PTPRG: variants seen among roughly 807,000 people sequenced by gnomAD.
PTPRG encodes protein tyrosine phosphatase receptor type G.
Under a neutral mutation model 165.3 loss-of-function variants are expected in PTPRG, and 102 were observed. The ratio of observed to expected loss-of-function variants is 0.62; its 90% CI spans 0.53 to 0.73. The LOEUF is 0.73. Among genes scored for constraint, PTPRG ranks in the 30% least tolerant of loss-of-function variants. The probability of loss-of-function intolerance (pLI) is 0.00; values close to 1 mark genes in which losing one functional copy is unlikely to be tolerated. For synonymous variants in PTPRG, 675 were observed against 669.5 expected (o/e 1.01, Z -0.13); for missense variants, 1,866 against 1,861.4 (o/e 1.00, Z -0.05).
At chr3:61,708,441 A>ATT (rs2031373332) in intron 1 of PTPRG, among the ~76,000 whole-genome samples, 3 of 134,200 alleles carry the variant, frequency 2.2e-5, no homozygotes, top group Non-Finnish European at 3.2e-5. Flanking sequence ...CTCTCTGCAA[A>ATT]TCTTTTTTTT....
intron 4 of PTPRG, among the ~76,000 whole-genome samples, chr3:62,048,701 T>C (rs1205080321): frequency 6.6e-6 from 1 of 152,214 alleles, no homozygotes. Flanking sequence ...CAGACTATTG[T>C]CTTCAGAAAA....
chr3:61,774,010 G>C (rs2034294044), intron 2 of PTPRG, among the ~76,000 whole-genome samples: 1 of 151,976 alleles, frequency 6.6e-6, no homozygotes, highest in Non-Finnish European at 1.5e-5. Context: ...CCTGACCTTG[G>C]GTGATCCAAC....
At chr3:61,990,675 T>C (rs1263475959) in intron 3 of PTPRG, among the ~76,000 whole-genome samples, 1 of 152,222 alleles carries the variant, frequency 6.6e-6, no homozygotes, top group Non-Finnish European at 1.5e-5. Context: ...CCTAAAGATA[T>C]TTTTCACTCT....
intron 2 of PTPRG, among the ~76,000 whole-genome samples, chr3:61,791,027 C>T (rs1264547661): frequency 1.3e-5 from 2 of 152,056 alleles, no homozygotes; most frequent in Non-Finnish European, 1.5e-5. Flanking sequence ...GTAAAGATGT[C>T]GGTTAACAGT....
chr3:61,799,036 T>A (rs952302158), intron 2 of PTPRG, among the ~76,000 whole-genome samples: 2 of 152,134 alleles, frequency 1.3e-5, no homozygotes, highest in Non-Finnish European at 2.9e-5. Flanking sequence ...AATTTTTTTT[T>A]ATTTTAAAAT....
At chr3:61,759,266 G>A (rs1225616373) in intron 2 of PTPRG, among the ~76,000 whole-genome samples, 1 of 152,176 alleles carries the variant, frequency 6.6e-6, no homozygotes, top group Non-Finnish European at 1.5e-5. Flanking sequence ...AAACTTATCA[G>A]TGGTGTGTAT....
intron 2 of PTPRG, among the ~76,000 whole-genome samples, chr3:61,853,099 C>T (rs1370974806): frequency 6.6e-6 from 1 of 152,126 alleles, no homozygotes; most frequent in Admixed American, 6.6e-5. Context: ...CCTTGCGGAG[C>T]TTACGTTCTA....
chr3:61,637,971 C>T (rs193177466), intron 1 of PTPRG, among the ~76,000 whole-genome samples: 30 of 152,218 alleles, frequency 2.0e-4, no homozygotes, highest in Admixed American at 1.3e-3. Flanking sequence ...GCATGATAAT[C>T]GGATTCCACT....
Position 62,252,729 on chromosome 3 carries a change from G to A in PTPRG, c.2468-2395G>A, listed in dbSNP as rs1357162167. ...AGAATGATTAGAATAATTAGTCATA[G>A]CCTTATATTCATCTCAGTATAAAGA... On this transcript the variant is annotated intron_variant, in intron 15 of 29. Transcript: ENST00000474889. This position sits in a 1 kb window ranked among gnomAD's most constrained non-coding sequence, Gnocchi z 4.6. 6.6e-6 allele frequency among the ~76,000 whole-genome samples: 1 copy of A among 152,160 alleles called. No homozygotes were observed. The highest frequency in any genetic ancestry group is 1.5e-5 in the Non-Finnish European group (1 of 68,024).
intron 2 of PTPRG, among the ~76,000 whole-genome samples, chr3:61,941,825 T>TA (rs771149314): frequency 2.0e-4 from 30 of 152,188 alleles, no homozygotes; most frequent in Non-Finnish European, 3.4e-4. Context: ...TTTGATTTGC[T>TA]AACCAGCATG....
intron 2 of PTPRG, among the ~76,000 whole-genome samples, chr3:61,781,993 C>A (rs145080623): frequency 6.6e-6 from 1 of 151,662 alleles, no homozygotes; most frequent in Non-Finnish European, 1.5e-5. Flanking sequence ...AACCTCCCAC[C>A]GATCTTTTGT....
chr3:61,565,340 A>G (rs1052990457), intron 1 of PTPRG, among the ~76,000 whole-genome samples: 1 of 152,236 alleles, frequency 6.6e-6, no homozygotes, highest in Non-Finnish European at 1.5e-5. Context: ...TTACATTGCT[A>G]TATACATCTT....
chr3:61,587,674 T>A (rs79822659), intron 1 of PTPRG, among the ~76,000 whole-genome samples: 1 of 152,190 alleles, frequency 6.6e-6, no homozygotes, highest in Non-Finnish European at 1.5e-5. Flanking sequence ...TTATTTTTTT[T>A]AAGACAGGGT....
intron 2 of PTPRG, among the ~76,000 whole-genome samples, chr3:61,795,304 G>C (rs2035010300): frequency 6.6e-6 from 1 of 152,132 alleles, no homozygotes. Flanking sequence ...TGAAGGTCAA[G>C]AAGTAGTAAC....
intron 2 of PTPRG, among the ~76,000 whole-genome samples, chr3:61,785,920 C>G (rs1185171167): frequency 6.6e-6 from 1 of 152,158 alleles, no homozygotes; most frequent in Non-Finnish European, 1.5e-5. Context: ...CCTGTTTGTT[C>G]TTTTCCTTGG....
chr3:62,157,511 A>C (rs948008381), intron 7 of PTPRG, among the ~76,000 whole-genome samples: 2 of 152,242 alleles, frequency 1.3e-5, no homozygotes, highest in South Asian at 2.1e-4. Flanking sequence ...GCTATCCTCA[A>C]TGATGATGAC....
At chr3:61,867,208 C>T (rs1364676929) in intron 2 of PTPRG, among the ~76,000 whole-genome samples, 1 of 152,148 alleles carries the variant, frequency 6.6e-6, no homozygotes, top group Non-Finnish European at 1.5e-5. Context: ...GCATCATACC[C>T]CCTGCCTCCC....
At chr3:61,953,511 CG>C (rs1559710502) in intron 2 of PTPRG, among the ~76,000 whole-genome samples, 2 of 152,154 alleles carry the variant, frequency 1.3e-5, no homozygotes, top group East Asian at 3.8e-4. Flanking sequence ...AGGTTACCTA[CG>C]GGCTCCCTAG....
chr3:62,008,060 T>C (rs2041337328), intron 4 of PTPRG, among the ~76,000 whole-genome samples: 1 of 152,246 alleles, frequency 6.6e-6, no homozygotes, highest in Non-Finnish European at 1.5e-5. Context: ...CTTTCTGTTG[T>C]CTGTCCAGCC....
Sources: allele counts gnomAD v4.1 joint callset (sites outside exome capture counted in the v4.1 genomes callset), GRCh38; gene constraint gnomAD v4.1.1; non-coding constraint Gnocchi (gnomAD v3.1); transcripts MANE v1.5; gene names NCBI Gene and HGNC (gene_info 2026-07-23, HGNC 2026-07-21).